The following FRMD6 variants were observed in gnomAD, a reference collection of about 807,000 sequenced individuals.
FRMD6 encodes the protein FERM domain-containing protein 6.
Under a neutral mutation model 73.2 loss-of-function variants are expected in FRMD6, and 37 were observed. That is an observed-to-expected ratio of 0.51 (90% CI 0.39 to 0.66). The LOEUF is 0.66. Among genes scored for constraint, FRMD6 ranks in the 30% least tolerant of loss-of-function variants. The probability of loss-of-function intolerance (pLI) is 0.00; values close to 1 mark genes in which losing one functional copy is unlikely to be tolerated. For missense variants in FRMD6, 714 were observed against 780.5 expected (o/e 0.91, Z 1.02); for synonymous variants, 273 against 282.2 (o/e 0.97, Z 0.33).
chr14:51,653,457 A>G (rs1286811869), intron 1 of FRMD6, among the ~76,000 whole-genome samples: 2 of 152,308 alleles, frequency 1.3e-5, no homozygotes, highest in East Asian at 1.9e-4. Context: ...TTTCCGTAAT[A>G]CATCTGTCAT....
chr14:51,632,400 T>C (rs530863805), intron 2 of FRMD6, among the ~76,000 whole-genome samples: 2 of 152,356 alleles, frequency 1.3e-5, no homozygotes, highest in Non-Finnish European at 2.9e-5. Flanking sequence ...TAAAATTTCT[T>C]TGTGGAACTC....
intron 2 of FRMD6, among the ~76,000 whole-genome samples, chr14:51,625,029 C>A (rs140538039): frequency 2.9e-4 from 44 of 152,304 alleles, no homozygotes; most frequent in Admixed American, 1.2e-3. Context: ...TACTTGAAGA[C>A]TGCACAGTTA....
chr14:51,679,269 T>C (rs1894618163), intron 1 of FRMD6, among the ~76,000 whole-genome samples: 1 of 138,868 alleles, frequency 7.2e-6, no homozygotes, highest in African/African-American at 2.7e-5. Context: ...GATTTTTTTT[T>C]CTTACTAAGA....
At chr14:51,677,594 G>A (rs554293242) in intron 1 of FRMD6, among the ~76,000 whole-genome samples, 1 of 152,158 alleles carries the variant, frequency 6.6e-6, no homozygotes, top group East Asian at 1.9e-4. Context: ...AATACAGATG[G>A]CTGTGAAAGT....
intron 1 of FRMD6, among the ~76,000 whole-genome samples, chr14:51,664,242 A>G (rs1893419801): frequency 6.6e-6 from 1 of 152,238 alleles, no homozygotes; most frequent in African/African-American, 2.4e-5. Context: ...AGTAATAGAA[A>G]AATTGCCTCG....
At chr14:51,656,968 A>G (rs1002981500) in intron 1 of FRMD6, among the ~76,000 whole-genome samples, 7 of 152,190 alleles carry the variant, frequency 4.6e-5, no homozygotes, top group Non-Finnish European at 8.8e-5. Context: ...TTGAGCAATA[A>G]TGTTTTACTG....
chr14:51,511,840 T>G (rs1039421039), intron 1 of FRMD6, among the ~76,000 whole-genome samples: 1 of 151,786 alleles, frequency 6.6e-6, no homozygotes, highest in African/African-American at 2.4e-5. Flanking sequence ...CAAACCTGCA[T>G]GTCCTGCACA....
At chr14:51,605,139 C>CTTTTTTTTT (rs11389733) in intron 2 of FRMD6, among the ~76,000 whole-genome samples, 2 of 119,578 alleles carry the variant, frequency 1.7e-5, no homozygotes, top group African/African-American at 3.1e-5. Flanking sequence ...CTGCAGGTTT[C>CTTTTTTTTT]TTTTTTTTTT....
intron 10 of FRMD6, among the ~76,000 whole-genome samples, chr14:51,718,251 C>G (rs931246398): frequency 6.6e-6 from 1 of 152,196 alleles, no homozygotes; most frequent in African/African-American, 2.4e-5. Flanking sequence ...CCAGGCCATG[C>G]TAACATGTTG....
intron 2 of FRMD6, among the ~76,000 whole-genome samples, chr14:51,601,301 A>T (rs1187114226): frequency 1.3e-5 from 2 of 152,102 alleles, no homozygotes; most frequent in Non-Finnish European, 2.9e-5. Flanking sequence ...TTTCTATGAG[A>T]CCTCAGAGAA....
At chr14:51,554,289 G>C (rs1323755213) in intron 1 of FRMD6, among the ~76,000 whole-genome samples, 2 of 152,092 alleles carry the variant, frequency 1.3e-5, no homozygotes, top group African/African-American at 4.8e-5. Context: ...TAAATAAATA[G>C]TATAAAAGAG....
At chr14:51,401,629 A>C in the FRMD6 span, among the ~76,000 whole-genome samples, 1 of 152,160 alleles carries the variant, frequency 6.6e-6, no homozygotes, top group African/African-American at 2.4e-5. Flanking sequence ...TTCTCTGAAG[A>C]CTTTTTCCAT....
intron 1 of FRMD6, among the ~76,000 whole-genome samples, chr14:51,560,467 C>G (rs755190516): frequency 6.6e-6 from 1 of 152,094 alleles, no homozygotes; most frequent in Non-Finnish European, 1.5e-5. Flanking sequence ...CATCCCACTC[C>G]TTTGCATTGA....
chr14:51,583,031 G>A (rs1425069379), intron 2 of FRMD6, among the ~76,000 whole-genome samples: 1 of 152,138 alleles, frequency 6.6e-6, no homozygotes, highest in Non-Finnish European at 1.5e-5. Context: ...GCACTCATAT[G>A]CGTTTTCAAA....
intron 7 of FRMD6, among the ~76,000 whole-genome samples, chr14:51,710,812 T>C (rs1207443953): frequency 6.6e-6 from 1 of 152,150 alleles, no homozygotes; most frequent in Non-Finnish European, 1.5e-5. Flanking sequence ...ACTTAAAGGA[T>C]GTGGCTGAAT....
chr14:51,701,045 T>A lies in FRMD6; in HGVS notation c.191-11T>A. ...TCTTTAGCATGTCGTCTCCTTTTTT[T>A]TAATGTACAGATAATGAACATGTGT... On this transcript the variant is annotated splice_polypyrimidine_tract_variant and intron_variant, in intron 3 of 13. Coordinates refer to ENST00000344768, the MANE Select transcript of FRMD6 (RefSeq NM_001267046.2). 7.5e-7 allele frequency: 1 copy of A among 1,340,806 alleles called. No homozygotes were observed. The highest frequency in any genetic ancestry group is 1.0e-6 in the Non-Finnish European group (1 of 990,314). The allele number at this position is 1,340,806 out of a possible 1,614,324, so 83.1% of individuals were successfully genotyped here.
the FRMD6 span, among the ~76,000 whole-genome samples, chr14:51,462,421 T>C: frequency 1.3e-5 from 2 of 152,230 alleles, no homozygotes; most frequent in African/African-American, 4.8e-5. Context: ...GGTGAGACTG[T>C]GCTTCCTGCT....
chr14:51,667,489 A>C (rs961853874), intron 1 of FRMD6, among the ~76,000 whole-genome samples: 1 of 152,202 alleles, frequency 6.6e-6, no homozygotes, highest in Admixed American at 6.5e-5. Flanking sequence ...GAAATGTTTT[A>C]TGTATTTTCT....
chr14:51,687,314 G>T (rs1312976670), intron 1 of FRMD6, among the ~76,000 whole-genome samples: 4 of 152,072 alleles, frequency 2.6e-5, no homozygotes, highest in Non-Finnish European at 4.4e-5. Context: ...ATTTAAATAA[G>T]AATTACACTG....
Sources: allele counts gnomAD v4.1 joint callset (sites outside exome capture counted in the v4.1 genomes callset), GRCh38; gene constraint gnomAD v4.1.1; transcripts MANE v1.5; gene names NCBI Gene and HGNC (gene_info 2026-07-23, HGNC 2026-07-21).